The following LRMDA variants were observed in gnomAD, a reference collection of about 807,000 sequenced individuals.
LRMDA encodes leucine-rich melanocyte differentiation-associated protein.
LRMDA carries 18 observed loss-of-function variants against 29.8 expected under a neutral mutation model. The observed-to-expected ratio is 0.60, with a 90% CI of 0.42 to 0.90. The LOEUF is 0.90. Among genes scored for constraint, LRMDA ranks in the 40% least tolerant of loss-of-function variants. LRMDA has a pLI of 0.00. For missense variants in LRMDA, 273 were observed against 273.9 expected, an observed-to-expected ratio of 1.00 and a Z score of 0.02; for synonymous variants, 125 against 109.4, an observed-to-expected ratio of 1.14 and a Z score of -0.89.
intron 2 of LRMDA, among the ~76,000 whole-genome samples, chr10:75,520,348 C>T (rs1331321188): frequency 6.6e-6 from 1 of 152,148 alleles, no homozygotes; most frequent in Non-Finnish European, 1.5e-5. Context: ...TCACATAGTC[C>T]CATATTTTTT....
chr10:75,433,131 T>C (rs1338879614), intron 1 of LRMDA, among the ~76,000 whole-genome samples: 1 of 152,132 alleles, frequency 6.6e-6, no homozygotes, highest in Admixed American at 6.5e-5. Context: ...AGGGAGGGGC[T>C]GGACAAGAGG....
intron 2 of LRMDA, among the ~76,000 whole-genome samples, chr10:75,545,533 G>A (rs149349212): frequency 8.8e-4 from 134 of 152,276 alleles, no homozygotes; most frequent in African/African-American, 3.2e-3. Flanking sequence ...CATAATAGGT[G>A]TCTGGCTTAC....
At chr10:76,520,418 C>T (rs961735124) in intron 6 of LRMDA, among the ~76,000 whole-genome samples, 2 of 152,070 alleles carry the variant, frequency 1.3e-5, no homozygotes, top group Non-Finnish European at 2.9e-5. Flanking sequence ...CCACCCTCTT[C>T]TATTTCAAGA....
chr10:76,270,267 T>C (rs1840051330), intron 5 of LRMDA: 1 of 152,208 alleles, frequency 6.6e-6, no homozygotes, highest in Non-Finnish European at 1.5e-5. Flanking sequence ...GGAGGGGAGC[T>C]ATTTTCACTA....
At chr10:76,491,410 A>G (rs370925658) in intron 6 of LRMDA, among the ~76,000 whole-genome samples, 89 of 152,124 alleles carry the variant, frequency 5.9e-4, no homozygotes, top group African/African-American at 2.0e-3. Flanking sequence ...AAAGTCTTCA[A>G]TTCTCCTTCA....
intron 5 of LRMDA, among the ~76,000 whole-genome samples, chr10:76,250,834 C>T (rs570374201): frequency 1.1e-4 from 17 of 152,260 alleles, no homozygotes; most frequent in South Asian, 8.3e-4. Flanking sequence ...TGCCTGGGAC[C>T]TGTCAAAGTA....
chr10:75,784,775 A>G (rs1843444802), intron 2 of LRMDA, among the ~76,000 whole-genome samples: 1 of 152,146 alleles, frequency 6.6e-6, no homozygotes. Flanking sequence ...AAAGGAAGAA[A>G]CATATTTAGA....
intron 5 of LRMDA, among the ~76,000 whole-genome samples, chr10:76,232,800 G>A (rs538559863): frequency 6.5e-4 from 99 of 152,184 alleles, no homozygotes; most frequent in Non-Finnish European, 1.4e-3. Flanking sequence ...GGGGACACAG[G>A]GGTGGTCCCC....
chr10:75,969,880 T>C (rs779977399), intron 2 of LRMDA, among the ~76,000 whole-genome samples: 36 of 152,308 alleles, frequency 2.4e-4, no homozygotes, highest in Non-Finnish European at 4.7e-4. Flanking sequence ...GGGGTGAAAC[T>C]TTGCTCCAAT....
intron 5 of LRMDA, among the ~76,000 whole-genome samples, chr10:76,246,582 G>A (rs1164532025): frequency 6.6e-6 from 1 of 152,180 alleles, no homozygotes; most frequent in Non-Finnish European, 1.5e-5. Flanking sequence ...CTGACTGTGG[G>A]ACAGTAATAG....
intron 6 of LRMDA, among the ~76,000 whole-genome samples, chr10:76,540,949 G>A (rs1843346975): frequency 6.6e-6 from 1 of 152,164 alleles, no homozygotes; most frequent in South Asian, 2.1e-4. Flanking sequence ...ACAAGTCCCA[G>A]TGGTATATGT....
chr10:75,760,998 A>G (rs1277596109), intron 2 of LRMDA, among the ~76,000 whole-genome samples: 1 of 152,236 alleles, frequency 6.6e-6, no homozygotes, highest in African/African-American at 2.4e-5. Context: ...ATATTCAATG[A>G]GAATTCAATA....
intron 5 of LRMDA, among the ~76,000 whole-genome samples, chr10:76,224,261 T>A (rs1851907204): frequency 6.6e-6 from 1 of 151,112 alleles, no homozygotes; most frequent in African/African-American, 2.4e-5. Context: ...ACTGGGTATG[T>A]ATAAGCACTG....
chr10:76,371,866 A>G (rs1435065547), intron 6 of LRMDA, among the ~76,000 whole-genome samples: 2 of 152,130 alleles, frequency 1.3e-5, no homozygotes, highest in African/African-American at 2.4e-5. Flanking sequence ...TTGGACGCTT[A>G]TCACTAGGGT....
chr10:76,145,890 G>A (rs931684085), intron 5 of LRMDA, among the ~76,000 whole-genome samples: 7 of 150,758 alleles, frequency 4.6e-5, no homozygotes, highest in African/African-American at 1.7e-4. Context: ...GGTATGTTGT[G>A]TCTTTGTTCT....
At chr10:76,331,658 C>T (rs1840906838) in intron 6 of LRMDA, among the ~76,000 whole-genome samples, 1 of 152,212 alleles carries the variant, frequency 6.6e-6, no homozygotes, top group Non-Finnish European at 1.5e-5. Context: ...AGACTTCTTG[C>T]CACCACTGTG....
chr10:75,623,941 T>G (rs1490925781), intron 2 of LRMDA, among the ~76,000 whole-genome samples: 4 of 152,216 alleles, frequency 2.6e-5, no homozygotes, highest in Admixed American at 6.5e-5. Context: ...TGACTAACCA[T>G]GCAATCTATC....
At chr10:75,918,215 AC>A (rs1261842122) in intron 2 of LRMDA, among the ~76,000 whole-genome samples, 3 of 152,238 alleles carry the variant, frequency 2.0e-5, no homozygotes, top group African/African-American at 7.2e-5. Flanking sequence ...TAGCCGTAGA[AC>A]AGTGGCCTTT....
chr10:75,484,562 C>T (rs1255745700), intron 2 of LRMDA, among the ~76,000 whole-genome samples: 1 of 152,142 alleles, frequency 6.6e-6, no homozygotes, highest in African/African-American at 2.4e-5. Context: ...TGAATTGTTT[C>T]TCACCCAAAA....
Sources: gnomAD v4.1 joint callset for allele counts (sites outside exome capture counted in the v4.1 genomes callset) on GRCh38, gnomAD v4.1.1 for gene constraint, MANE v1.5 for transcripts, NCBI Gene and HGNC (gene_info 2026-07-23, HGNC 2026-07-21) for gene names.